DAAM1: variants seen among roughly 807,000 people sequenced by gnomAD.
The protein encoded by DAAM1 is disheveled-associated activator of morphogenesis 1.
DAAM1 carries 52 observed loss-of-function variants against 130.0 expected under a neutral mutation model. The ratio of observed to expected loss-of-function variants is 0.40; its 90% CI spans 0.32 to 0.50. The LOEUF is 0.50. DAAM1 is among the 20% of genes least tolerant of loss of function. The pLI is 0.61. For missense variants in DAAM1, 1,134 were observed against 1,303.8 expected (o/e 0.87, Z 2.01); for synonymous variants, 452 against 444.5 (o/e 1.02, Z -0.21).
chr14:59,358,282 A>T (rs1457354840), intron 20 of DAAM1, among the ~76,000 whole-genome samples: 1 of 152,218 alleles, frequency 6.6e-6, no homozygotes, highest in Non-Finnish European at 1.5e-5. Flanking sequence ...AGTGTTGCCT[A>T]ATAGATACTG....
chr14:59,199,122 C>T (rs558209467), intron 1 of DAAM1, among the ~76,000 whole-genome samples: 1 of 152,316 alleles, frequency 6.6e-6, no homozygotes, highest in East Asian at 1.9e-4. Flanking sequence ...TCCTGAGATC[C>T]TGTTCTTGGC....
In DAAM1 at chr14:59,330,641, A is replaced by G; in HGVS notation, c.1513A>G (p.Lys505Glu). ...EKETTEHKQV[K>E]QQVADLTAQL... ...GGAGACTACTGAGCATAAGCAAGTC[A>G]AGCAGCAGGTGGCGGACCTCACAGC... is the stretch of plus-strand genomic sequence containing the variant. Residue 505 changes from lysine to glutamate, a missense_variant, in exon 13 of 25, where the codon AAG (lysine) becomes GAG (glutamate). Physicochemically the swap from Lys to Glu is moderately conservative, Grantham distance 56 (BLOSUM62 1). Around this residue, in one of 3 missense-constraint regions of DAAM1, gnomAD observed 644 missense variants for 695.9 expected, o/e 0.93. Transcript: ENST00000360909. The G allele has an allele frequency of 6.2e-7, 1 of 1,614,000 alleles. No individual in the cohort carries two copies. The highest frequency in any genetic ancestry group is 8.5e-7 in the Non-Finnish European group (1 of 1,179,976).
At chr14:59,280,466 A>C (rs1051333732) in intron 2 of DAAM1, among the ~76,000 whole-genome samples, 1 of 149,008 alleles carries the variant, frequency 6.7e-6, no homozygotes, top group African/African-American at 2.5e-5. Context: ...AATCCTCACT[A>C]TATCTTGAAA....
intron 2 of DAAM1, among the ~76,000 whole-genome samples, chr14:59,279,259 G>A (rs374399037): frequency 4.5e-4 from 68 of 152,170 alleles, no homozygotes; most frequent in South Asian, 2.3e-3. Flanking sequence ...TTCTGGCTCT[G>A]TAGATCTACT....
intron 1 of DAAM1, among the ~76,000 whole-genome samples, chr14:59,222,539 G>A (rs1291667690): frequency 6.6e-6 from 1 of 152,202 alleles, no homozygotes; most frequent in African/African-American, 2.4e-5. Flanking sequence ...GCCTTGGCGA[G>A]TTGAAGTCTG....
At position 59,320,599 on chromosome 14, in the gene DAAM1, G is replaced by T; in HGVS notation, c.440+15G>T. 5.3e-6 allele frequency: 8 copies of T among 1,519,726 alleles called. No individual in the cohort carries two copies. The highest frequency in any genetic ancestry group is 7.0e-6 in the Non-Finnish European group (8 of 1,140,470). The allele number at this position is 1,519,726 out of a possible 1,614,324, so 94.1% of individuals were successfully genotyped here. On this transcript the variant is annotated intron_variant, in intron 5 of 24. Transcript: ENST00000360909. ...AAACCAATGAGGTAATTTTCCCCTG[G>T]ATGGCATGTTTTTTTTTTTTCTCTC...
intron 1 of DAAM1, among the ~76,000 whole-genome samples, chr14:59,242,770 G>T (rs1452045682): frequency 1.3e-5 from 2 of 152,116 alleles, no homozygotes; most frequent in East Asian, 3.9e-4. Context: ...GTGTTAGCCA[G>T]GATGGTCTCG....
At chr14:59,289,694 G>A (rs1387196897) in intron 2 of DAAM1, among the ~76,000 whole-genome samples, 1 of 148,776 alleles carries the variant, frequency 6.7e-6, no homozygotes, top group Non-Finnish European at 1.5e-5. Context: ...GTTCATTGCA[G>A]CACTATTCAC....
At chr14:59,290,093 T>C (rs908929690) in intron 2 of DAAM1, among the ~76,000 whole-genome samples, 1 of 152,014 alleles carries the variant, frequency 6.6e-6, no homozygotes, top group Admixed American at 6.6e-5. Flanking sequence ...GAGTTACCTA[T>C]GTAACAAACC....
In DAAM1 at chr14:59,364,141, G is replaced by A. The variant is rs535803392; in HGVS notation, c.2826+359G>A. ...TATCTCTGGGAACCAGAAAAGAGTAGATGATGAAAACCAGGGGCAGCATCA... is the reference window on the plus strand; with the variant it reads ...TATCTCTGGGAACCAGAAAAGAGTAAATGATGAAAACCAGGGGCAGCATCA... On this transcript the variant is annotated intron_variant, in intron 23 of 24. Transcript: ENST00000360909. 1.1e-3 allele frequency among the ~76,000 whole-genome samples: 161 copies of A among 152,290 alleles called. 1 individual carries two copies. Among genetic ancestry groups the A allele is most frequent in the Non-Finnish European group, 1.5e-3 (104 of 68,024 alleles).
At chr14:59,344,490 T>C (rs1162034683) in intron 16 of DAAM1, among the ~76,000 whole-genome samples, 2 of 152,204 alleles carry the variant, frequency 1.3e-5, no homozygotes, top group African/African-American at 2.4e-5. Flanking sequence ...GATTAGAGAC[T>C]GATTCTGTGG....
At chr14:59,202,822 A>C (rs1160951127) in intron 1 of DAAM1, among the ~76,000 whole-genome samples, 1 of 152,198 alleles carries the variant, frequency 6.6e-6, no homozygotes, top group Non-Finnish European at 1.5e-5. Context: ...ATCCCAAATG[A>C]GTTTTTAAGA....
intron 1 of DAAM1, among the ~76,000 whole-genome samples, chr14:59,189,566 C>T (rs1285772671): frequency 6.6e-6 from 1 of 151,662 alleles, no homozygotes; most frequent in Admixed American, 6.6e-5. Flanking sequence ...AAGCGCCTGC[C>T]CTGAAGCCCT....
chr14:59,341,169 A>T (rs1358968570), intron 16 of DAAM1, among the ~76,000 whole-genome samples: 4 of 152,226 alleles, frequency 2.6e-5, no homozygotes, highest in South Asian at 2.1e-4. Flanking sequence ...ATGAAGAGAA[A>T]TTTAACCTTA....
intron 17 of DAAM1, among the ~76,000 whole-genome samples, chr14:59,348,268 A>AT (rs890605012): frequency 6.6e-6 from 1 of 152,180 alleles, no homozygotes; most frequent in Non-Finnish European, 1.5e-5. Flanking sequence ...TCTTGTTATA[A>AT]TTTTTATTAT....
intron 3 of DAAM1, among the ~76,000 whole-genome samples, chr14:59,294,467 AG>A (rs1169241488): frequency 1.6e-4 from 25 of 152,344 alleles, no homozygotes; most frequent in African/African-American, 5.3e-4. Context: ...GGAGCATAAG[AG>A]ATGGATGTTG....
intron 2 of DAAM1, chr14:59,263,888 G>C (rs1396660838): frequency 5.2e-6 from 3 of 578,606 alleles, no homozygotes; most frequent in Non-Finnish European, 6.1e-6. Flanking sequence ...GCTTTAAGTG[G>C]GTGGAGGGAT....
chr14:59,339,856 A>T (rs1885775994), intron 15 of DAAM1, among the ~76,000 whole-genome samples: 2 of 152,164 alleles, frequency 1.3e-5, no homozygotes, highest in African/African-American at 4.8e-5. Context: ...GCTTTTTCAA[A>T]TGTGGGTGGT....
At position 59,268,145 on chromosome 14, in the gene DAAM1, C is replaced by T. The variant is rs571496015; in HGVS notation, c.183+4485C>T. The stretch of plus-strand genomic sequence containing the variant: ...CTCGAACTCCTGACCTTGTGATCCG[C>T]CCACCTCAGCCTCCCAAAGTGCTGG... On this transcript the variant is annotated intron_variant, in intron 2 of 24. Transcript: ENST00000360909. Among the ~76,000 whole-genome samples the T allele has an allele frequency of 1.6e-3, 237 of 152,236 alleles. 1 individual carries two copies. The highest frequency in any genetic ancestry group is 5.5e-3 in the African/African-American group (230 of 41,560).
Sources: gnomAD v4.1 joint callset for allele counts (sites outside exome capture counted in the v4.1 genomes callset) on GRCh38, gnomAD v4.1.1 for gene constraint, gnomAD v4.1.1 regional missense constraint, MANE v1.5 for transcripts, NCBI Gene and HGNC (gene_info 2026-07-23, HGNC 2026-07-21) for gene names.